BANP: variants seen among roughly 807,000 people sequenced by gnomAD.
The protein encoded by BANP is protein BANP.
Under a neutral mutation model 68.1 loss-of-function variants are expected in BANP, and 11 were observed. The ratio of observed to expected loss-of-function variants is 0.16; its 90% confidence interval spans 0.10 to 0.27. The LOEUF is 0.27. Ranked by LOEUF, BANP falls within the 10% of genes least tolerant of loss-of-function variation. The probability of loss-of-function intolerance (pLI) is 1.00; values close to 1 mark genes in which losing one functional copy is unlikely to be tolerated. For missense variants in BANP, 504 were observed against 722.7 expected, an observed-to-expected ratio of 0.70 and a Z score of 3.47; for synonymous variants, 329 against 303.2, an observed-to-expected ratio of 1.09 and a Z score of -0.88.
intron 11 of BANP, among the ~76,000 whole-genome samples, chr16:88,050,760 C>T (rs1465404292): frequency 1.3e-5 from 2 of 152,168 alleles, no homozygotes; most frequent in Non-Finnish European, 2.9e-5. Context: ...GCAGTCACGG[C>T]TCACTGCAAC....
chr16:88,043,708 G>A (rs1735105223), intron 11 of BANP, among the ~76,000 whole-genome samples: 1 of 152,196 alleles, frequency 6.6e-6, no homozygotes, highest in Non-Finnish European at 1.5e-5. Context: ...AAATTCCCTG[G>A]AGCGGGGAGA....
chr16:88,037,957 C>A lies in BANP; in HGVS notation c.1273-16C>A. ...TGTTTCTACTCATGACCGTCTCCTC[C>A]TCTCGTTCTTTGTAGGGCAACCTCC... On this transcript the variant is annotated splice_polypyrimidine_tract_variant and intron_variant, in intron 10 of 13. Coordinates refer to ENST00000682872, the MANE Select transcript of BANP (RefSeq NM_001386991.1). 1.2e-6 allele frequency: 2 copies of A among 1,613,472 alleles called. No individual in the cohort carries two copies.
At chr16:88,022,360 T>A (rs1027796377) in intron 7 of BANP, among the ~76,000 whole-genome samples, 3 of 152,198 alleles carry the variant, frequency 2.0e-5, no homozygotes, top group Non-Finnish European at 4.4e-5. Flanking sequence ...ATCTAAAGAA[T>A]GCTGCTGTGG....
At chr16:88,058,009 C>T (rs574956926) in intron 11 of BANP, among the ~76,000 whole-genome samples, 2 of 152,256 alleles carry the variant, frequency 1.3e-5, no homozygotes, top group South Asian at 2.1e-4. Flanking sequence ...CGGAGTTACA[C>T]GGGAAGAAAG....
chr16:87,970,294 G>C (rs905641479), intron 1 of BANP: 4 of 152,226 alleles, frequency 2.6e-5, no homozygotes, highest in African/African-American at 9.6e-5. Flanking sequence ...AGCTTAATTA[G>C]ATTCAGCATT....
rs1300729603 is a variant in BANP at position 87,995,408 on chromosome 16, A to G, written c.363-8887A>G. ...GTAGGAGCATAAATGTCCATGGGAG[A>G]AAATGTTCTTAGGGAACAGGTACTG... On this transcript the variant is annotated intron_variant, in intron 4 of 13. Transcript: ENST00000682872. Among the ~76,000 whole-genome samples the G allele has an allele frequency of 2.0e-5, 3 of 152,236 alleles. No individual in the cohort carries two copies. In the East Asian group the frequency reaches 5.8e-4, roughly 29 times the overall value.
intron 7 of BANP, among the ~76,000 whole-genome samples, chr16:88,024,945 T>A (rs1184042080): frequency 6.6e-6 from 1 of 152,254 alleles, no homozygotes; most frequent in Non-Finnish European, 1.5e-5. Context: ...CCTGGGTGTT[T>A]TAGATTTATC....
intron 4 of BANP, among the ~76,000 whole-genome samples, chr16:87,992,834 G>C (rs1328713573): frequency 1.3e-5 from 2 of 151,926 alleles, no homozygotes; most frequent in Admixed American, 1.3e-4. Flanking sequence ...TCTTGAGTTA[G>C]TGTTGTTTGT....
chr16:88,065,789 C>T (rs1182600100), intron 12 of BANP, among the ~76,000 whole-genome samples: 2 of 152,270 alleles, frequency 1.3e-5, no homozygotes, highest in South Asian at 4.1e-4. Context: ...AGGTTGCATG[C>T]TTGCTCAGGT....
chr16:88,030,653 T>C (rs1251312501), intron 8 of BANP, among the ~76,000 whole-genome samples: 1 of 152,216 alleles, frequency 6.6e-6, no homozygotes. Flanking sequence ...AAATGTAGAC[T>C]CAGAGCATTT....
intron 13 of BANP, among the ~76,000 whole-genome samples, chr16:88,072,701 C>T (rs28679286): frequency 0.22 from 33,671 of 152,268 alleles, 3,954 homozygotes; most frequent in South Asian, 0.27. Context: ...CCATACCTCG[C>T]AGGCAGAAGC....
chr16:88,069,581 C>T (rs975917698), intron 12 of BANP, among the ~76,000 whole-genome samples: 10 of 152,274 alleles, frequency 6.6e-5, no homozygotes, highest in South Asian at 4.1e-4. Flanking sequence ...CCTGTATGGA[C>T]GCTGCCCCCA....
chr16:88,072,045 G>T lies in BANP; in HGVS notation c.1378-24G>T, dbSNP rs368041267. On this transcript the variant is annotated intron_variant, in intron 12 of 13. Transcript: ENST00000682872. ...GTGGGTTGTGGGCCACGCCGCTGAC[G>T]GGCCCCCGTGTGTCTCCCTCCAGGT... The T allele has an allele frequency of 3.2e-6, 5 of 1,552,730 alleles. No individual in the cohort carries two copies. In the African/African-American group the frequency reaches 6.8e-5, roughly 21 times the overall value.
At chr16:88,009,717 C>T (rs1164597896) in intron 6 of BANP, among the ~76,000 whole-genome samples, 3 of 151,372 alleles carry the variant, frequency 2.0e-5, no homozygotes, top group South Asian at 2.1e-4. Context: ...AGGACGGTAA[C>T]GCTCAGCTAT....
chr16:87,988,111 T>C (rs2064938288), intron 4 of BANP, among the ~76,000 whole-genome samples: 1 of 152,194 alleles, frequency 6.6e-6, no homozygotes, highest in African/African-American at 2.4e-5. Flanking sequence ...AAAAGTATGT[T>C]TAAATTAGAA....
intron 13 of BANP, among the ~76,000 whole-genome samples, chr16:88,072,688 T>C (rs1001568548): frequency 1.3e-5 from 2 of 152,116 alleles, no homozygotes; most frequent in African/African-American, 4.8e-5. Context: ...CAGGCCAGCA[T>C]CTCCATACCT....
chr16:87,975,491 C>T (rs1466558882), intron 2 of BANP, among the ~76,000 whole-genome samples: 2 of 152,152 alleles, frequency 1.3e-5, no homozygotes, highest in African/African-American at 4.8e-5. Context: ...CTGTGTGCGG[C>T]GTCGTGGATC....
At chr16:88,017,645 G>A (rs192993063) in intron 6 of BANP, among the ~76,000 whole-genome samples, 8 of 152,226 alleles carry the variant, frequency 5.3e-5, no homozygotes, top group South Asian at 2.1e-4. Context: ...AGGGGCTGGC[G>A]GGCGTCACTG....
intron 2 of BANP, among the ~76,000 whole-genome samples, chr16:87,977,002 T>C (rs976560422): frequency 1.3e-5 from 2 of 152,332 alleles, no homozygotes; most frequent in African/African-American, 4.8e-5. Context: ...CCCCAGTAAA[T>C]CTCTCTTTGT....
Sources: gnomAD v4.1 joint callset for allele counts (sites outside exome capture counted in the v4.1 genomes callset) on GRCh38, gnomAD v4.1.1 for gene constraint, MANE v1.5 for transcripts, NCBI Gene and HGNC (gene_info 2026-07-23, HGNC 2026-07-21) for gene names.